IL17RA: variants seen among roughly 807,000 people sequenced by gnomAD.
IL17RA encodes the protein interleukin-17 receptor A.
In IL17RA, 34 loss-of-function variants were observed where a neutral mutation model predicts 50.4. The ratio of observed to expected loss-of-function variants is 0.67; its 90% CI spans 0.51 to 0.90. IL17RA has a LOEUF of 0.90. Among genes scored for constraint, IL17RA ranks in the 40% least tolerant of loss-of-function variants. IL17RA has a pLI of 0.00. For missense variants in IL17RA, 1,276 were observed against 1,169.8 expected, an observed-to-expected ratio of 1.09 and a Z score of -1.32; for synonymous variants, 585 against 510.4, an observed-to-expected ratio of 1.15 and a Z score of -1.97.
rs2061432771 is a variant in IL17RA at position 17,109,747 on chromosome 22, T to C, written c.2528T>C (p.Leu843Pro). Residue 843 changes from leucine to proline, a missense_variant, in exon 13 of 13, where the codon CTG becomes CCG. Transcript: ENST00000319363. ...LESLRSLQRQLLFRQLQKNSG... is the reference protein window; with the variant it reads ...LESLRSLQRQPLFRQLQKNSG... ...AGCCTGAGGAGCCTCCAGCGGCAGCTGCTTTTCCGCCAGCTGCAGAAGAAC... is the reference window on the plus strand; with the variant it reads ...AGCCTGAGGAGCCTCCAGCGGCAGCCGCTTTTCCGCCAGCTGCAGAAGAAC... The C allele has an allele frequency of 1.9e-6, 3 of 1,560,754 alleles. No individual in the cohort carries two copies. Among genetic ancestry groups the C allele is most frequent in the Non-Finnish European group, 2.6e-6 (3 of 1,152,932 alleles).
chr22:17,097,054 T>A lies in IL17RA; in HGVS notation c.139-8T>A. On this transcript the variant is annotated splice_region_variant and splice_polypyrimidine_tract_variant and intron_variant, in intron 1 of 12. Transcript: ENST00000319363. ...CCAGCTGTAATAACCACCCTCTTTT[T>A]TCCACAGGGGCTAAACTGCACGGTC... 3 of 1,613,478 alleles carry A rather than the reference T, an allele frequency of 1.9e-6. No homozygotes were observed. The highest frequency in any genetic ancestry group is 1.7e-6 in the Non-Finnish European group (2 of 1,179,442).
At position 17,111,483 on chromosome 22, in the gene IL17RA, C is replaced by T. The variant is rs762925627; in HGVS notation, c.*1663C>T. ...CTGCTGTGACTTCAGGGTCTGAGGTCCAAAGACAGCATTTGAAAAGAGGCT... is the reference window on the plus strand; with the variant it reads ...CTGCTGTGACTTCAGGGTCTGAGGTTCAAAGACAGCATTTGAAAAGAGGCT... On this transcript the variant is annotated 3_prime_UTR_variant, in exon 13 of 13. Transcript: ENST00000319363. 3.9e-5 allele frequency: 6 copies of T among 152,074 alleles called. No homozygotes were observed. Among genetic ancestry groups the T allele is most frequent in the Admixed American group, 2.0e-4 (3 of 15,268 alleles). The allele number at this position is 152,074 out of a possible 1,614,324, so 9.4% of individuals were successfully genotyped here. A position where few individuals can be genotyped will look rare whatever the true frequency, so the allele number is the denominator to read the frequency against.
chr22:17,111,762 TTATC>T lies in IL17RA; in HGVS notation c.*1943_*1946del, dbSNP rs747273442. 1.3e-5 allele frequency: 2 copies of T among 152,294 alleles called. No homozygotes were observed. Among genetic ancestry groups the T allele is most frequent in the South Asian group, 2.1e-4 (1 of 4,822 alleles). 9.4% of individuals were successfully genotyped at this position (152,294 alleles called of 1,614,324 possible). On this transcript the variant is annotated 3_prime_UTR_variant, in exon 13 of 13. Coordinates refer to ENST00000319363, the MANE Select transcript of IL17RA (RefSeq NM_014339.7). ...CGCACACATACATGTGCGTGAAAGA[TTATC>T]AATAAAAGTGCATAAATTTGTTGAT...
intron 2 of IL17RA, 52 bp from the exon 3 acceptor site, chr22:17,097,745 T>A (rs2061373360): frequency 1.2e-6 from 2 of 1,610,810 alleles, no homozygotes; most frequent in African/African-American, 2.7e-5. Context: ...TGCTGGGGCA[T>A]CTCAGGGTCT....
rs549305543 is a variant in IL17RA at position 17,108,935 on chromosome 22, C to G, written c.1716C>G (p.Asp572Glu). 71 of 1,611,660 alleles carry G rather than the reference C, an allele frequency of 4.4e-5. No individual in the cohort carries two copies. Among genetic ancestry groups the G allele is most frequent in the Non-Finnish European group, 5.6e-5 (66 of 1,179,690 alleles). The change falls in exon 13 of 13, where the codon GAC becomes GAG. Residue 572 changes from aspartate (D) to glutamate (E), a missense_variant. Transcript: ENST00000319363. ...GCAGGCAGCTCCGCGCCGCCCTGGA[C>G]AGGTTCCGGGACTGGCAGGTCCGCT... Reference protein sequence around the residue: ...PGGRQLRAALDRFRDWQVRCP... With the variant: ...PGGRQLRAALERFRDWQVRCP...
rs867675646 is a variant in IL17RA, at chr22:17,105,713, C to T, written c.943+111C>T. On this transcript the variant is annotated intron_variant, in intron 10 of 12. Coordinates refer to ENST00000319363, the MANE Select transcript of IL17RA (RefSeq NM_014339.7). ...GCAGACAAGGCTGAACCGAGGCCAG[C>T]CCGGGGTGGGGGGTGAGACCATGGT... is the stretch of plus-strand genomic sequence containing the variant. 1.4e-5 allele frequency: 19 copies of T among 1,341,636 alleles called. No individual in the cohort carries two copies. In the Middle Eastern group the frequency reaches 1.2e-3, roughly 88 times the overall value. 83.1% of individuals were successfully genotyped at this position (1,341,636 alleles called of 1,614,324 possible). A position where few individuals can be genotyped will look rare whatever the true frequency, so the allele number is the denominator to read the frequency against.
intron 1 of IL17RA, among the ~76,000 whole-genome samples, chr22:17,088,259 TC>T (rs2061335245): frequency 1.3e-5 from 2 of 152,234 alleles, no homozygotes; most frequent in Non-Finnish European, 2.9e-5. Flanking sequence ...CATTTCTTCC[TC>T]TTAACCTTCA....
chr22:17,096,922 C>G, intron 1 of IL17RA, 140 bp from the exon 2 acceptor site: 1 of 792,786 alleles, frequency 1.3e-6, no homozygotes, highest in Non-Finnish European at 2.3e-6. Context: ...GGACTCACTC[C>G]TCATCCTATT....
rs1419697170 is a variant in IL17RA at position 17,110,691 on chromosome 22, G to A, written c.*871G>A. ...CTAAATTTTTTTTTAGTCAGTCATGGTGGCACATGCCTGTAGTCCCAGCTA... is the reference window on the plus strand; with the variant it reads ...CTAAATTTTTTTTTAGTCAGTCATGATGGCACATGCCTGTAGTCCCAGCTA... On this transcript the variant is annotated 3_prime_UTR_variant, in exon 13 of 13. Transcript: ENST00000319363. 1 of 152,148 alleles carries A rather than the reference G, an allele frequency of 6.6e-6. No individual in the cohort carries two copies. Among genetic ancestry groups the A allele is most frequent in the Non-Finnish European group, 1.5e-5 (1 of 68,136 alleles). 9.4% of individuals were successfully genotyped at this position (152,148 alleles called of 1,614,324 possible).
chr22:17,097,679 C>A, intron 2 of IL17RA, 118 bp from the exon 3 acceptor site: 1 of 1,266,488 alleles, frequency 7.9e-7, no homozygotes, highest in South Asian at 1.2e-5. Flanking sequence ...CCAAGGGCCA[C>A]AGGCTGGAAG....
intron 3 of IL17RA, among the ~76,000 whole-genome samples, chr22:17,098,217 A>C (rs2061375604): frequency 6.6e-6 from 1 of 152,230 alleles, no homozygotes; most frequent in African/African-American, 2.4e-5. Flanking sequence ...GCAAGCAGTT[A>C]ATTTTGTGAC....
In IL17RA at chr22:17,104,877, C is replaced by T. The variant is rs766332170; in HGVS notation, c.931+67C>T. The stretch of plus-strand genomic sequence containing the variant: ...AGTGGCTGAAGGCCCCCAGCCTGTG[C>T]TGCGTCCTTACCTGGTTCTGAGGGG... On this transcript the variant is annotated intron_variant, in intron 9 of 12. Transcript: ENST00000319363. 3.0e-4 allele frequency: 434 copies of T among 1,460,460 alleles called. 1 individual carries two copies. Among genetic ancestry groups the T allele is most frequent in the Admixed American group, 4.6e-4 (27 of 58,878 alleles). The allele number at this position is 1,460,460 out of a possible 1,614,324, so 90.5% of individuals were successfully genotyped here. A position where few individuals can be genotyped will look rare whatever the true frequency, so the allele number is the denominator to read the frequency against.
chr22:17,102,376 G>A, intron 7 of IL17RA, 74 bp downstream of exon 7: 2 of 1,541,280 alleles, frequency 1.3e-6, no homozygotes, highest in Admixed American at 1.7e-5. Context: ...CTTCTCTGCT[G>A]GTCTGACAGA....
Position 17,112,997 on chromosome 22 carries a change from T to TG in IL17RA, c.*3177_*3178insG, listed in dbSNP as rs1568925994. The TG allele has an allele frequency of 1.6e-5, 2 of 126,684 alleles. No homozygotes were observed. Among genetic ancestry groups the TG allele is most frequent in the East Asian group, 3.2e-4 (1 of 3,148 alleles). The allele number at this position is 126,684 out of a possible 1,614,324, so 7.8% of individuals were successfully genotyped here. A position where few individuals can be genotyped will look rare whatever the true frequency, so the allele number is the denominator to read the frequency against. ...CTACTATCTTGATCCTAGTTTTTTT[T>TG]TTGTTTTTTTTTTTTTTAAGGAATA... is the stretch of plus-strand genomic sequence containing the variant. On this transcript the variant is annotated 3_prime_UTR_variant, in exon 13 of 13. Transcript: ENST00000319363.
intron 8 of IL17RA, 66 bp downstream of exon 8, chr22:17,103,643 G>C: frequency 1.6e-6 from 2 of 1,221,776 alleles, no homozygotes; most frequent in South Asian, 2.6e-5. Context: ...GTGGACAGGA[G>C]TGAGGAGTGT....
intron 1 of IL17RA, among the ~76,000 whole-genome samples, chr22:17,093,172 T>C (rs774757510): frequency 3.3e-5 from 5 of 152,210 alleles, no homozygotes; most frequent in Non-Finnish European, 7.3e-5. Context: ...TCTGAGAATA[T>C]TTTAAGAATG....
intron 4 of IL17RA, 128 bp from the exon 5 acceptor site, chr22:17,100,227 G>C (rs1479331627): frequency 2.7e-6 from 3 of 1,120,344 alleles, no homozygotes; most frequent in Non-Finnish European, 4.1e-6. Context: ...GGATTTTGCT[G>C]TGGTTGTTGC....
chr22:17,105,996 T>TC lies in IL17RA; in HGVS notation c.1045+42_1045+43insC, dbSNP rs766648587. The TC allele has an allele frequency of 1.0e-5, 15 of 1,467,892 alleles. No individual in the cohort carries two copies. In the South Asian group the frequency reaches 1.6e-4, roughly 16 times the overall value. 90.9% of individuals were successfully genotyped at this position (1,467,892 alleles called of 1,614,324 possible). A position where few individuals can be genotyped will look rare whatever the true frequency, so the allele number is the denominator to read the frequency against. ...TGGCTGTCCTGGAGTCAGGCTCTAA[T>TC]ACCAGCACCACCACTCACTACCAAG... is the stretch of plus-strand genomic sequence containing the variant. On this transcript the variant is annotated intron_variant, in intron 11 of 12. Transcript: ENST00000319363.
At chr22:17,099,164 A>G (rs1464358037) in intron 4 of IL17RA, among the ~76,000 whole-genome samples, 1 of 152,196 alleles carries the variant, frequency 6.6e-6, no homozygotes, top group Non-Finnish European at 1.5e-5. Flanking sequence ...TCGTTCGGAA[A>G]GGAAGTTGAA....
Sources: allele counts gnomAD v4.1 joint callset (sites outside exome capture counted in the v4.1 genomes callset), GRCh38; gene constraint gnomAD v4.1.1; transcripts MANE v1.5; gene names NCBI Gene and HGNC (gene_info 2026-07-23, HGNC 2026-07-21).